Variants in SESTD1 observed in about 807,000 individuals in gnomAD.
SESTD1 encodes SEC14 domain and spectrin repeat-containing protein 1.
A neutral mutation model predicts 101.7 loss-of-function variants in SESTD1; 43 were observed. That is an observed-to-expected ratio of 0.42 (90% confidence interval 0.33 to 0.55). The LOEUF is 0.55. SESTD1 is among the 20% of genes least tolerant of loss of function. The pLI is 0.07. For synonymous variants in SESTD1, 283 were observed against 286.8 expected (o/e 0.99, Z 0.13); for missense variants, 647 against 815.1 (o/e 0.79, Z 2.51).
intron 1 of SESTD1, among the ~76,000 whole-genome samples, chr2:179,236,721 A>T (rs1574057678): frequency 6.7e-6 from 1 of 149,110 alleles, no homozygotes; most frequent in Admixed American, 6.7e-5. Flanking sequence ...ATTATTTTAC[A>T]CTCATGTTTG....
chr2:179,125,517 C>T (rs1394869134), intron 10 of SESTD1, among the ~76,000 whole-genome samples: 1 of 152,186 alleles, frequency 6.6e-6, no homozygotes, highest in African/African-American at 2.4e-5. Context: ...GTGGATAGCG[C>T]TCTCTCTCTT....
At chr2:179,228,201 C>T (rs1016239504) in intron 1 of SESTD1, among the ~76,000 whole-genome samples, 1 of 152,128 alleles carries the variant, frequency 6.6e-6, no homozygotes, top group Non-Finnish European at 1.5e-5. Context: ...TGACAGACAT[C>T]AAATATGTCA....
At chr2:179,238,966 C>T (rs984496506) in intron 1 of SESTD1, among the ~76,000 whole-genome samples, 1 of 152,148 alleles carries the variant, frequency 6.6e-6, no homozygotes, top group African/African-American at 2.4e-5. Context: ...TACTTACATG[C>T]CAAATGTTTA....
At chr2:179,257,718 T>C (rs923204711) in intron 1 of SESTD1, among the ~76,000 whole-genome samples, 2 of 152,144 alleles carry the variant, frequency 1.3e-5, no homozygotes, top group African/African-American at 4.8e-5. Flanking sequence ...AATTGTATAA[T>C]ATAAAAACCT....
intron 1 of SESTD1, among the ~76,000 whole-genome samples, chr2:179,199,520 C>A (rs1476671606): frequency 2.6e-5 from 4 of 152,144 alleles, no homozygotes; most frequent in Non-Finnish European, 5.9e-5. Context: ...AATTTTAGAC[C>A]AATATCCTTG....
At chr2:179,252,906 A>G (rs780785996) in intron 1 of SESTD1, among the ~76,000 whole-genome samples, 6 of 152,046 alleles carry the variant, frequency 3.9e-5, no homozygotes, top group Admixed American at 6.6e-5. Flanking sequence ...TCTTTCTTTC[A>G]GTGTGGTGAC....
intron 3 of SESTD1, 94 bp downstream of exon 3, chr2:179,182,986 A>G (rs1438727122): frequency 3.9e-6 from 3 of 777,044 alleles, no homozygotes; most frequent in South Asian, 2.6e-5. Flanking sequence ...ATAAAAGCAG[A>G]TAAGATAGCA....
rs2044377992 is a variant in SESTD1 at position 179,106,156 on chromosome 2, T to C, written c.*3743A>G. 6.6e-6 allele frequency: 1 copy of C among 152,174 alleles called. No individual in the cohort carries two copies. Among genetic ancestry groups the C allele is most frequent in the African/African-American group, 2.4e-5 (1 of 41,446 alleles). 9.4% of individuals were successfully genotyped at this position (152,174 alleles called of 1,614,324 possible). ...CCATGTTTTTAATGCTAGAGAATTT[T>C]TCCTTTGGGGGCTTAAGCAAAGATA... On this transcript the variant is annotated 3_prime_UTR_variant, in exon 18 of 18. Transcript: ENST00000428443.
At chr2:179,131,526 T>C (rs1386540875) in intron 10 of SESTD1, among the ~76,000 whole-genome samples, 2 of 152,138 alleles carry the variant, frequency 1.3e-5, no homozygotes. Flanking sequence ...AATTAATGGA[T>C]TCAAATTTTA....
intron 10 of SESTD1, 111 bp from the exon 11 acceptor site, chr2:179,124,669 AGG>A (rs2044830213): frequency 6.8e-6 from 6 of 888,680 alleles, no homozygotes; most frequent in Non-Finnish European, 1.0e-5. Context: ...TTTTTTTCTA[AGG>A]CAAAATTATT....
At chr2:179,147,831 T>C (rs1381312059) in intron 7 of SESTD1, among the ~76,000 whole-genome samples, 2 of 152,214 alleles carry the variant, frequency 1.3e-5, no homozygotes, top group Non-Finnish European at 2.9e-5. Context: ...ATGGGATGTC[T>C]TTCCCAAGGA....
At position 179,140,518 on chromosome 2, in the gene SESTD1, G is replaced by C. The variant is rs538114717; in HGVS notation, c.849+3074C>G. ...AAGGAACCAATCCTGCTGACATCCTGATCTCAGAACTGCAAGAAAATAAAT... is the reference window on the plus strand; with the variant it reads ...AAGGAACCAATCCTGCTGACATCCTCATCTCAGAACTGCAAGAAAATAAAT... On this transcript the variant is annotated intron_variant, in intron 9 of 17. Transcript: ENST00000428443. 7.2e-5 allele frequency among the ~76,000 whole-genome samples: 11 copies of C among 152,244 alleles called. No individual in the cohort carries two copies. In the South Asian group the frequency reaches 1.0e-3, roughly 14 times the overall value.
chr2:179,260,409 GGGAGGCTGA>G lies in SESTD1; in HGVS notation c.-26+4081_-26+4089del, dbSNP rs2047466271. Among the ~76,000 whole-genome samples, 12 of 152,292 alleles carry G rather than the reference GGGAGGCTGA, an allele frequency of 7.9e-5. 1 individual carries two copies. In the South Asian group the frequency reaches 2.3e-3, roughly 29 times the overall value. ...CACATGCCTGTACTCTCAGCCACCT[GGGAGGCTGA>G]GGTGGGTGAATGACTTGAGCCCAGG... is the stretch of plus-strand genomic sequence containing the variant. On this transcript the variant is annotated intron_variant, in intron 1 of 17. Coordinates refer to ENST00000428443, the MANE Select transcript of SESTD1 (RefSeq NM_178123.5).
chr2:179,158,854 G>T (rs560081018), intron 5 of SESTD1, among the ~76,000 whole-genome samples: 1 of 152,162 alleles, frequency 6.6e-6, no homozygotes, highest in Non-Finnish European at 1.5e-5. Flanking sequence ...GTTAAATAAC[G>T]TATGTGGGGG....
At chr2:179,121,480 T>C (rs1295834654) in intron 13 of SESTD1, among the ~76,000 whole-genome samples, 1 of 152,202 alleles carries the variant, frequency 6.6e-6, no homozygotes, top group African/African-American at 2.4e-5. Flanking sequence ...GTAAGTTTTT[T>C]TTAAAGCAGA....
At chr2:179,146,362 G>C in intron 8 of SESTD1, 40 bp downstream of exon 8, 1 of 1,491,604 alleles carries the variant, frequency 6.7e-7, no homozygotes, top group Non-Finnish European at 9.3e-7. Context: ...AATCCAATTG[G>C]TTTACTGGAT....
At chr2:179,158,677 G>T (rs2045676025) in intron 5 of SESTD1, among the ~76,000 whole-genome samples, 1 of 152,056 alleles carries the variant, frequency 6.6e-6, no homozygotes, top group African/African-American at 2.4e-5. Flanking sequence ...TTAAATAAGG[G>T]AAGGACACAA....
At chr2:179,166,326 C>T (rs1397117006) in intron 5 of SESTD1, among the ~76,000 whole-genome samples, 1 of 152,010 alleles carries the variant, frequency 6.6e-6, no homozygotes, top group African/African-American at 2.4e-5. Context: ...AATGGAAAGG[C>T]ATGAAGCACA....
At chr2:179,221,076 A>G (rs2105526683) in intron 1 of SESTD1, among the ~76,000 whole-genome samples, 1 of 152,334 alleles carries the variant, frequency 6.6e-6, no homozygotes, top group East Asian at 1.9e-4. Flanking sequence ...ATATACCTGT[A>G]TCATGAATTG....
Sources: allele counts gnomAD v4.1 joint callset (sites outside exome capture counted in the v4.1 genomes callset), GRCh38; gene constraint gnomAD v4.1.1; transcripts MANE v1.5; gene names NCBI Gene and HGNC (gene_info 2026-07-23, HGNC 2026-07-21).